The following EXT1 variants were observed in gnomAD, a reference collection of about 807,000 sequenced individuals.
The protein encoded by EXT1 is exostosin-1.
EXT1 carries 20 observed loss-of-function variants against 82.5 expected under a neutral mutation model. That is an observed-to-expected ratio of 0.24 (90% CI 0.17 to 0.35). EXT1 has a LOEUF of 0.35. Ranked by LOEUF, EXT1 falls within the 10% of genes least tolerant of loss-of-function variation. The pLI is 1.00. For synonymous variants in EXT1, 348 were observed against 350.8 expected, an observed-to-expected ratio of 0.99 and a Z score of 0.09; for missense variants, 757 against 936.5, an observed-to-expected ratio of 0.81 and a Z score of 2.50.
At chr8:117,876,110 A>T (rs1211201789) in intron 1 of EXT1, among the ~76,000 whole-genome samples, 1 of 152,266 alleles carries the variant, frequency 6.6e-6, no homozygotes, top group Non-Finnish European at 1.5e-5. Flanking sequence ...GGGCACTAAG[A>T]GTCTAATAGT....
intron 1 of EXT1, among the ~76,000 whole-genome samples, chr8:118,027,928 A>AT (rs1816233001): frequency 6.6e-6 from 1 of 152,162 alleles, no homozygotes; most frequent in East Asian, 1.9e-4. Context: ...TTATCAACAC[A>AT]TATTAGTCAT....
At chr8:117,880,763 G>A (rs920634984) in intron 1 of EXT1, among the ~76,000 whole-genome samples, 7 of 151,866 alleles carry the variant, frequency 4.6e-5, no homozygotes, top group African/African-American at 1.7e-4. Flanking sequence ...GCTAATTTTT[G>A]TATTTTTAGT....
chr8:117,851,489 TA>T lies in EXT1; in HGVS notation c.963-14289del, dbSNP rs533410919. Among the ~76,000 whole-genome samples the T allele has an allele frequency of 2.9e-3, 442 of 151,860 alleles. 1 individual carries two copies. Among genetic ancestry groups the T allele is most frequent in the African/African-American group, 1.0e-2 (412 of 41,396 alleles). On this transcript the variant is annotated intron_variant, in intron 1 of 10. Transcript: ENST00000378204. ...GCCTTAAATAACTACATGGGGGTTTTAGTTGGTGCCACGTTTCGGATTTTTT... is the reference window on the plus strand; with the variant it reads ...GCCTTAAATAACTACATGGGGGTTTTGTTGGTGCCACGTTTCGGATTTTTT...
chr8:118,040,907 C>G (rs1430388361), intron 1 of EXT1, among the ~76,000 whole-genome samples: 3 of 152,202 alleles, frequency 2.0e-5, no homozygotes, highest in Non-Finnish European at 2.9e-5. Flanking sequence ...ACCCAAGAGA[C>G]AAGGTTCATG....
chr8:117,801,329 C>T (rs1211340830), intron 10 of EXT1, among the ~76,000 whole-genome samples: 3 of 147,240 alleles, frequency 2.0e-5, no homozygotes, highest in African/African-American at 7.4e-5. Context: ...GTTATTTGTT[C>T]AAGGCTAGAG....
intron 1 of EXT1, among the ~76,000 whole-genome samples, chr8:118,066,881 T>G (rs1816997805): frequency 6.6e-6 from 1 of 152,176 alleles, no homozygotes; most frequent in Non-Finnish European, 1.5e-5. Context: ...TAGATAAAGC[T>G]AAGCTTTCTG....
chr8:118,039,516 C>A (rs1166551992), intron 1 of EXT1, among the ~76,000 whole-genome samples: 1 of 134,700 alleles, frequency 7.4e-6, no homozygotes, highest in Non-Finnish European at 1.5e-5. Flanking sequence ...GCCGAGATGG[C>A]GCCACTTCAC....
chr8:117,844,341 T>C (rs770984738), intron 1 of EXT1, among the ~76,000 whole-genome samples: 2 of 151,666 alleles, frequency 1.3e-5, no homozygotes, highest in African/African-American at 2.4e-5. Context: ...TTTGTAGAGA[T>C]GGGGTCTCAC....
At chr8:118,011,566 C>T (rs940930483) in intron 1 of EXT1, among the ~76,000 whole-genome samples, 4 of 152,098 alleles carry the variant, frequency 2.6e-5, no homozygotes, top group Non-Finnish European at 4.4e-5. Context: ...TCTCTGAGGT[C>T]GGCATGACTA....
chr8:117,889,674 G>C (rs561816479), intron 1 of EXT1, among the ~76,000 whole-genome samples: 27 of 152,238 alleles, frequency 1.8e-4, no homozygotes, highest in Admixed American at 3.9e-4. Flanking sequence ...TACCTGTTTT[G>C]ATATTGCTGG....
intron 1 of EXT1, among the ~76,000 whole-genome samples, chr8:118,022,326 C>CTTTCT (rs1816120049): frequency 2.2e-5 from 1 of 46,194 alleles, no homozygotes; most frequent in Non-Finnish European, 4.1e-5. Context: ...CATATATATT[C>CTTTCT]TTTTTTTTTT....
intron 1 of EXT1, among the ~76,000 whole-genome samples, chr8:117,925,561 T>C (rs1167797357): frequency 6.6e-6 from 1 of 151,868 alleles, no homozygotes; most frequent in African/African-American, 2.4e-5. Context: ...AGATCTGAAG[T>C]AGTTTTGACA....
At chr8:117,956,422 G>T (rs558182688) in intron 1 of EXT1, among the ~76,000 whole-genome samples, 1 of 152,200 alleles carries the variant, frequency 6.6e-6, no homozygotes, top group African/African-American at 2.4e-5. Context: ...TAGAGGAAAA[G>T]GTTCCCTTTG....
intron 1 of EXT1, among the ~76,000 whole-genome samples, chr8:117,976,393 G>A (rs924089874): frequency 7.2e-5 from 11 of 152,156 alleles, no homozygotes; most frequent in Non-Finnish European, 1.0e-4. Flanking sequence ...ACAGTAGAAC[G>A]TGTAAACACA....
At chr8:117,945,584 CT>C (rs1421089750) in intron 1 of EXT1, among the ~76,000 whole-genome samples, 1 of 151,256 alleles carries the variant, frequency 6.6e-6, no homozygotes, top group Non-Finnish European at 1.5e-5. Context: ...TCACTGTAAC[CT>C]CCGCCTCCCA....
intron 1 of EXT1, among the ~76,000 whole-genome samples, chr8:117,993,998 AG>A (rs1212844497): frequency 2.6e-5 from 4 of 152,208 alleles, no homozygotes; most frequent in African/African-American, 9.6e-5. Flanking sequence ...ACTGCTAAAA[AG>A]TTACAGAGCT....
intron 8 of EXT1, among the ~76,000 whole-genome samples, chr8:117,812,292 G>A (rs759772980): frequency 7.2e-5 from 11 of 151,984 alleles, no homozygotes; most frequent in Non-Finnish European, 1.0e-4. Context: ...TCCTCCACGC[G>A]CATTCTTTAG....
At chr8:117,853,314 G>A (rs922263872) in intron 1 of EXT1, among the ~76,000 whole-genome samples, 1 of 152,172 alleles carries the variant, frequency 6.6e-6, no homozygotes, top group African/African-American at 2.4e-5. Flanking sequence ...GGAGGCTGAG[G>A]AGGGCAGATC....
At chr8:117,913,962 C>T (rs551214705) in intron 1 of EXT1, among the ~76,000 whole-genome samples, 1 of 152,304 alleles carries the variant, frequency 6.6e-6, no homozygotes, top group African/African-American at 2.4e-5. Context: ...TTCTTCTATA[C>T]CAAAGCTGTG....
Sources: gnomAD v4.1 joint callset for allele counts (sites outside exome capture counted in the v4.1 genomes callset) on GRCh38, gnomAD v4.1.1 for gene constraint, MANE v1.5 for transcripts, NCBI Gene and HGNC (gene_info 2026-07-23, HGNC 2026-07-21) for gene names.